The following GET3 variants were observed in gnomAD, a reference collection of about 807,000 sequenced individuals.
The protein encoded by GET3 is ATPase GET3.
Under a neutral mutation model 32.4 loss-of-function variants are expected in GET3, and 15 were observed. The observed-to-expected ratio is 0.46, with a 90% CI of 0.31 to 0.71. The LOEUF (loss-of-function observed/expected upper bound fraction) is 0.71. Ranked by LOEUF, GET3 falls within the 30% of genes least tolerant of loss-of-function variation. GET3 has a pLI of 0.05. For synonymous variants in GET3, 198 were observed against 185.6 expected (o/e 1.07, Z -0.54); for missense variants, 333 against 459.0 (o/e 0.73, Z 2.51).
At chr19:12,739,460 C>T (rs959953641) in intron 2 of GET3, among the ~76,000 whole-genome samples, 1 of 152,154 alleles carries the variant, frequency 6.6e-6, no homozygotes, top group South Asian at 2.1e-4. Flanking sequence ...GCCACCACAT[C>T]GCACCAGGGA....
chr19:12,747,882 C>A lies in GET3; in HGVS notation c.916-91C>A, dbSNP rs946188203. 7.3e-7 allele frequency: 1 copy of A among 1,373,198 alleles called. No homozygotes were observed. Among genetic ancestry groups the A allele is most frequent in the Admixed American group, 2.1e-5 (1 of 46,570 alleles). The allele number at this position is 1,373,198 out of a possible 1,614,324, so 85.1% of individuals were successfully genotyped here. A position where few individuals can be genotyped will look rare whatever the true frequency, so the allele number is the denominator to read the frequency against. On this transcript the variant is annotated intron_variant, in intron 6 of 6. Transcript: ENST00000357332. The surrounding 1 kb of genome is among the most constrained non-coding windows in gnomAD (Gnocchi z 4.0). ...TATATTCTCTCCCTGACTCTGGAAGCTTTCTAGCTTTACCGCTTCTATTGA... is the reference window on the plus strand; with the variant it reads ...TATATTCTCTCCCTGACTCTGGAAGATTTCTAGCTTTACCGCTTCTATTGA...
chr19:12,742,597 G>A (rs755085016), intron 2 of GET3, among the ~76,000 whole-genome samples: 13 of 152,064 alleles, frequency 8.5e-5, no homozygotes, highest in Non-Finnish European at 1.6e-4. Context: ...AGTATTTTTA[G>A]TAGAGACGGG....
intron 2 of GET3, 66 bp downstream of exon 2, chr19:12,738,724 A>G: frequency 6.3e-7 from 1 of 1,597,728 alleles, no homozygotes; most frequent in Non-Finnish European, 8.6e-7. Flanking sequence ...TTGTGCGCAC[A>G]CACCAGCAGC....
chr19:12,747,622 C>T lies in GET3; in HGVS notation c.915+30C>T. 6.2e-7 allele frequency: 1 copy of T among 1,604,322 alleles called. No individual in the cohort carries two copies. The highest frequency in any genetic ancestry group is 1.3e-5 in the African/African-American group (1 of 74,738). Reference sequence around the variant, plus strand: ...GCCCACCCACCCAGCACTGGCTCAGCAGAGGCACCTCTGCCCCTTTATTCT... The same window carrying T: ...GCCCACCCACCCAGCACTGGCTCAGTAGAGGCACCTCTGCCCCTTTATTCT... On this transcript the variant is annotated intron_variant, in intron 6 of 6. Coordinates refer to ENST00000357332, the MANE Select transcript of GET3 (RefSeq NM_004317.4). This position sits in a 1 kb window ranked among gnomAD's most constrained non-coding sequence, Gnocchi z 4.0.
intron 2 of GET3, 106 bp downstream of exon 2, chr19:12,738,764 GTC>G: frequency 7.1e-7 from 1 of 1,409,016 alleles, no homozygotes; most frequent in South Asian, 1.3e-5. Context: ...TATATCCTGT[GTC>G]TCTCGTGTTT....
At position 12,738,586 on chromosome 19, in the gene GET3, C is replaced by T; in HGVS notation, c.237C>T (p.Ile79=). ...TCTCCACAGACCCAGCACACAACAT[C>T]TCAGATGCTTTTGACCAGAAGTTCT... ...LIISTDPAHN[I]SDAFDQKFSK... The change falls in exon 2 of 7, where the codon ATC becomes ATT. Residue 79 remains isoleucine, a synonymous_variant. Coordinates refer to ENST00000357332, the MANE Select transcript of GET3 (RefSeq NM_004317.4). 1 of 1,614,226 alleles carries T rather than the reference C, an allele frequency of 6.2e-7. No individual in the cohort carries two copies. Among genetic ancestry groups the T allele is most frequent in the Non-Finnish European group, 8.5e-7 (1 of 1,180,044 alleles).
At position 12,745,164 on chromosome 19, in the gene GET3, T is replaced by C. The variant is rs1026685872; in HGVS notation, c.310-213T>C. Among the ~76,000 whole-genome samples the C allele has an allele frequency of 6.6e-6, 1 of 152,116 alleles. No individual in the cohort carries two copies. Among genetic ancestry groups the C allele is most frequent in the Non-Finnish European group, 1.5e-5 (1 of 67,996 alleles). ...CTGGGCACAGCTTGCAATTTTCCCC[T>C]TGTTTTTGACCCTTTATGCAACCAT... On this transcript the variant is annotated intron_variant, in intron 2 of 6. Coordinates refer to ENST00000357332, the MANE Select transcript of GET3 (RefSeq NM_004317.4). This position sits in a 1 kb window ranked among gnomAD's most constrained non-coding sequence, Gnocchi z 5.0.
At chr19:12,744,123 G>T (rs1286414271) in intron 2 of GET3, among the ~76,000 whole-genome samples, 2 of 149,468 alleles carry the variant, frequency 1.3e-5, no homozygotes, top group Non-Finnish European at 3.0e-5. Context: ...GGCTGAGGCA[G>T]GAGAATTGCT....
At position 12,745,264 on chromosome 19, in the gene GET3, A is replaced by G; in HGVS notation, c.310-113A>G. 1 of 1,291,240 alleles carries G rather than the reference A, an allele frequency of 7.7e-7. No individual in the cohort carries two copies. The highest frequency in any genetic ancestry group is 1.1e-6 in the Non-Finnish European group (1 of 935,946). 80.0% of individuals were successfully genotyped at this position (1,291,240 alleles called of 1,614,324 possible). A position where few individuals can be genotyped will look rare whatever the true frequency, so the allele number is the denominator to read the frequency against. On this transcript the variant is annotated intron_variant, in intron 2 of 6. Coordinates refer to ENST00000357332, the MANE Select transcript of GET3 (RefSeq NM_004317.4). This position sits in a 1 kb window ranked among gnomAD's most constrained non-coding sequence, Gnocchi z 5.0. ...AATGCCTGTGGTCACAGCCCACCAC[A>G]GGCTCCCTCTGGCCCTGTGCCCGGG... is the stretch of plus-strand genomic sequence containing the variant.
intron 2 of GET3, among the ~76,000 whole-genome samples, chr19:12,740,475 G>C (rs954136140): frequency 5.3e-5 from 8 of 151,852 alleles, no homozygotes; most frequent in Admixed American, 1.3e-4. Context: ...AAGAGACTGA[G>C]ACCATCTTGG....
In GET3 at chr19:12,745,296, G is replaced by A; in HGVS notation, c.310-81G>A. The A allele has an allele frequency of 6.5e-7, 1 of 1,535,706 alleles. No homozygotes were observed. Among genetic ancestry groups the A allele is most frequent in the East Asian group, 2.3e-5 (1 of 44,316 alleles). On this transcript the variant is annotated intron_variant, in intron 2 of 6. Transcript: ENST00000357332. The surrounding 1 kb of genome is among the most constrained non-coding windows in gnomAD (Gnocchi z 5.0). Reference sequence around the variant, plus strand: ...CTCTGGCCCTGTGCCCGGGTAGGAAGGCTCCCCCTGGCCCTGTGCCCAGGT... The same window carrying A: ...CTCTGGCCCTGTGCCCGGGTAGGAAAGCTCCCCCTGGCCCTGTGCCCAGGT...
At chr19:12,740,634 G>A (rs60244615) in intron 2 of GET3, among the ~76,000 whole-genome samples, 4,096 of 152,250 alleles carry the variant, frequency 0.027, 179 homozygotes, top group African/African-American at 0.092. Context: ...CCGAGATCGC[G>A]CCACTGCTTT....
At position 12,747,386 on chromosome 19, in the gene GET3, G is replaced by A. The variant is rs764655018; in HGVS notation, c.718-9G>A. 8.1e-5 allele frequency: 131 copies of A among 1,613,986 alleles called. No homozygotes were observed. The highest frequency in any genetic ancestry group is 5.4e-4 in the South Asian group (49 of 91,084). ...CCCGCCCCTCACTGTCCTCTCTCGT[G>A]CCCTGTAGGAGCAGACAACTTTCAT... is the stretch of plus-strand genomic sequence containing the variant. On this transcript the variant is annotated splice_polypyrimidine_tract_variant and intron_variant, in intron 5 of 6. Coordinates refer to ENST00000357332, the MANE Select transcript of GET3 (RefSeq NM_004317.4). This position sits in a 1 kb window ranked among gnomAD's most constrained non-coding sequence, Gnocchi z 4.0.
chr19:12,741,549 G>A (rs1164283597), intron 2 of GET3, among the ~76,000 whole-genome samples: 30 of 151,588 alleles, frequency 2.0e-4, no homozygotes, highest in Admixed American at 1.3e-4. Flanking sequence ...ACCTGAGGTC[G>A]GGAGTTCGAG....
chr19:12,748,053 C>T lies in GET3; in HGVS notation c.996C>T (p.Asn332=). 1.2e-6 allele frequency: 2 copies of T among 1,612,162 alleles called. No homozygotes were observed. The highest frequency in any genetic ancestry group is 1.1e-5 in the South Asian group (1 of 90,936). Residue 332 remains asparagine, a synonymous_variant, in exon 7 of 7, where the codon AAC becomes AAT. Coordinates refer to ENST00000357332, the MANE Select transcript of GET3 (RefSeq NM_004317.4). ...PHEVRGADKV[N]TFSALLLEPY... ...AGGTGCGGGGGGCAGACAAGGTCAA[C>T]ACCTTCTCGGCCCTCCTCCTGGAGC... is the stretch of plus-strand genomic sequence containing the variant.
upstream of GET3, chr19:12,737,478 C>G (rs928193228): frequency 1.3e-6 from 2 of 1,483,784 alleles, no homozygotes; most frequent in African/African-American, 2.9e-5. Context: ...ATGGTGCGCT[C>G]CGCTGGATCA....
Position 12,748,097 on chromosome 19 carries a change from C to T in GET3, c.1040C>T (p.Ala347Val). Residue 347 changes from alanine (A) to valine (V), a missense_variant, in exon 7 of 7, where the codon GCC becomes GTC. By Grantham distance (64) the Ala-to-Val change is moderately conservative. This residue lies in a region of GET3 where 39 missense variants were observed against 33.0 expected (regional missense o/e 1.18). Coordinates refer to ENST00000357332, the MANE Select transcript of GET3 (RefSeq NM_004317.4). ...LLLEPYKPPS[A>V]Q ...CTGGAGCCCTACAAGCCCCCCAGTG[C>T]CCAGTAGCACAGCTGCCAGCCCCAA... The T allele has an allele frequency of 6.3e-7, 1 of 1,588,956 alleles. No individual in the cohort carries two copies. The highest frequency in any genetic ancestry group is 8.6e-7 in the Non-Finnish European group (1 of 1,163,240).
rs373752704 is a variant in GET3, at chr19:12,745,398, G to A, written c.331G>A (p.Val111Met). ...FAMEIDPSLG[V>M]AELPDEFFEE... ...CCAGGAGATTGACCCCAGCCTGGGC[G>A]TGGCGGAGCTGCCTGACGAGTTCTT... is the stretch of plus-strand genomic sequence containing the variant. The change falls in exon 3 of 7, where the codon GTG (valine) becomes ATG (methionine). Residue 111 changes from valine to methionine, a missense_variant. Coordinates refer to ENST00000357332, the MANE Select transcript of GET3 (RefSeq NM_004317.4). This position sits in a 1 kb window ranked among gnomAD's most constrained non-coding sequence, Gnocchi z 5.0. The A allele has an allele frequency of 2.4e-5, 38 of 1,611,492 alleles. No individual in the cohort carries two copies. The highest frequency in any genetic ancestry group is 6.7e-5 in the Admixed American group (4 of 60,026).
rs925516383 is a variant in GET3, at chr19:12,745,052, A to G, written c.310-325A>G. On this transcript the variant is annotated intron_variant, in intron 2 of 6. Transcript: ENST00000357332. This position sits in a 1 kb window ranked among gnomAD's most constrained non-coding sequence, Gnocchi z 5.0. ...GAAGAGGTCATGGCCCAGTCATGGGAGTATCTGGGGTTGCAAGTGGCAGGT... is the reference window on the plus strand; with the variant it reads ...GAAGAGGTCATGGCCCAGTCATGGGGGTATCTGGGGTTGCAAGTGGCAGGT... Among the ~76,000 whole-genome samples, 9 of 151,944 alleles carry G rather than the reference A, an allele frequency of 5.9e-5. No homozygotes were observed. The highest frequency in any genetic ancestry group is 2.2e-4 in the African/African-American group (9 of 41,340).
Sources: gnomAD v4.1 joint callset for allele counts (sites outside exome capture counted in the v4.1 genomes callset) on GRCh38, gnomAD v4.1.1 for gene constraint, gnomAD v4.1.1 regional missense constraint, Gnocchi (gnomAD v3.1) non-coding constraint, MANE v1.5 for transcripts, NCBI Gene and HGNC (gene_info 2026-07-23, HGNC 2026-07-21) for gene names.